COL3A1: variants seen among roughly 807,000 people sequenced by gnomAD.
COL3A1 encodes collagen alpha-1(III) chain.
In COL3A1, 46 loss-of-function variants were observed where a neutral mutation model predicts 200.9. The observed-to-expected ratio is 0.23, with a 90% CI of 0.18 to 0.29. COL3A1 has a LOEUF of 0.29. COL3A1 is among the 10% of genes least tolerant of loss of function. COL3A1 has a pLI of 1.00. For synonymous variants in COL3A1, 650 were observed against 628.0 expected (o/e 1.03, Z -0.52); for missense variants, 1,367 against 1,917.6 (o/e 0.71, Z 5.36).
intron 46 of COL3A1, 30 bp from the exon 47 acceptor site, chr2:189,008,005 T>C: frequency 1.9e-6 from 3 of 1,613,954 alleles, no homozygotes; most frequent in East Asian, 2.2e-5. Flanking sequence ...AAAGATATTC[T>C]GGCATTGTGA....
At chr2:188,979,041 C>T (rs1307665228) in intron 1 of COL3A1, among the ~76,000 whole-genome samples, 1 of 151,806 alleles carries the variant, frequency 6.6e-6, no homozygotes, top group Admixed American at 6.6e-5. Flanking sequence ...AAAATGTAGT[C>T]TTAATGAACA....
chr2:188,985,878 A>T, intron 4 of COL3A1, 100 bp downstream of exon 4: 1 of 802,752 alleles, frequency 1.2e-6, no homozygotes, highest in Non-Finnish European at 2.1e-6. Context: ...AGTTCTTTGT[A>T]TCTGTTCTCT....
intron 24 of COL3A1, 100 bp from the exon 25 acceptor site, chr2:188,997,059 CATATAT>C: frequency 1.4e-6 from 1 of 737,750 alleles, no homozygotes; most frequent in Non-Finnish European, 2.4e-6. Context: ...ATATATGAGA[CATATAT>C]ATATGAGACA....
chr2:188,978,270 T>G (rs1687868450), intron 1 of COL3A1: 1 of 177,244 alleles, frequency 5.6e-6, no homozygotes, highest in South Asian at 1.2e-4. Context: ...ATTAAATGCC[T>G]CTTAACTACT....
intron 1 of COL3A1, among the ~76,000 whole-genome samples, chr2:188,978,775 AAG>A (rs1687883588): frequency 4.6e-5 from 7 of 150,866 alleles, no homozygotes; most frequent in African/African-American, 9.7e-5. Context: ...AAAAAAAAAA[AAG>A]ATCATATAGT....
rs147250987 is a variant in COL3A1, at chr2:189,010,662, T to C, written c.4026T>C (p.Asn1342=). ...CCCTATTACAGTTTAGCTACGGCAA[T>C]CCTGAACTTCCTGAAGATGTCCTTG... is the stretch of plus-strand genomic sequence containing the variant. ...MDGGFQFSYG[N]PELPEDVLDV... Residue 1342 remains asparagine (N), a synonymous_variant, in exon 50 of 51, where the codon AAT becomes AAC. Transcript: ENST00000304636. The C allele has an allele frequency of 9.9e-6, 16 of 1,614,064 alleles. No homozygotes were observed. The African/African-American group carries it at 2.0e-4, about 20-fold the overall frequency.
In COL3A1 at chr2:188,992,878, T is replaced by A. The variant is rs1278617595; in HGVS notation, c.997-9T>A. The A allele has an allele frequency of 6.2e-7, 1 of 1,613,804 alleles. No individual in the cohort carries two copies. Among genetic ancestry groups the A allele is most frequent in the Non-Finnish European group, 8.5e-7 (1 of 1,179,720 alleles). ...AAAGAGCTCTTGAAATTGTATTTAA[T>A]TTTTTCAGGGCCCTCCTGGTCCTCC... is the stretch of plus-strand genomic sequence containing the variant. On this transcript the variant is annotated splice_polypyrimidine_tract_variant and intron_variant, in intron 14 of 50. Coordinates refer to ENST00000304636, the MANE Select transcript of COL3A1 (RefSeq NM_000090.4).
chr2:188,983,609 C>G (rs1390252192), intron 1 of COL3A1, among the ~76,000 whole-genome samples: 3 of 151,926 alleles, frequency 2.0e-5, no homozygotes, highest in Non-Finnish European at 2.9e-5. Flanking sequence ...TAAAAGGCCT[C>G]TTGACCACTA....
At chr2:188,980,775 A>G (rs1392892361) in intron 1 of COL3A1, among the ~76,000 whole-genome samples, 1 of 151,064 alleles carries the variant, frequency 6.6e-6, no homozygotes, top group Non-Finnish European at 1.5e-5. Flanking sequence ...ATTAAAATTT[A>G]TGTTTTCCAA....
rs1315143573 is a variant in COL3A1, at chr2:188,985,717, C to T, written c.386C>T (p.Pro129Leu). 1 of 1,611,374 alleles carries T rather than the reference C, an allele frequency of 6.2e-7. No individual in the cohort carries two copies. The highest frequency in any genetic ancestry group is 8.5e-7 in the Non-Finnish European group (1 of 1,178,868). Reference sequence around the variant, plus strand: ...GGTGACCCTGGTATTCCAGGACAACCAGGGTCCCCTGGTTCTCCTGGCCCC... The same window carrying T: ...GGTGACCCTGGTATTCCAGGACAACTAGGGTCCCCTGGTTCTCCTGGCCCC... ...RNGDPGIPGQ[P>L]GSPGSPGPPG... Residue 129 changes from proline (P) to leucine (L), a missense_variant, in exon 4 of 51, where the codon CCA becomes CTA. Around this residue, in one of 5 missense-constraint regions of COL3A1, gnomAD observed 462 missense variants for 681.4 expected, o/e 0.68. Coordinates refer to ENST00000304636, the MANE Select transcript of COL3A1 (RefSeq NM_000090.4).
chr2:188,979,598 A>G (rs983854847), intron 1 of COL3A1, among the ~76,000 whole-genome samples: 2 of 151,746 alleles, frequency 1.3e-5, no homozygotes, highest in Non-Finnish European at 3.0e-5. Context: ...TCAAGAGAAA[A>G]TAAACAGGAG....
chr2:188,998,798 C>T (rs762889445), intron 29 of COL3A1, 80 bp downstream of exon 29: 31 of 1,243,476 alleles, frequency 2.5e-5, no homozygotes, highest in Non-Finnish European at 3.6e-5. Context: ...GTATATCAAG[C>T]CAAAATACTC....
At chr2:188,995,283 T>C (rs41272841) in intron 21 of COL3A1, among the ~76,000 whole-genome samples, 184 bp downstream of exon 21, 4 of 152,206 alleles carry the variant, frequency 2.6e-5, no homozygotes, top group African/African-American at 9.6e-5. Context: ...AGCCACTTAC[T>C]TACCCTCTAT....
rs1461617023 is a variant in COL3A1 at position 188,991,028 on chromosome 2, A to C, written c.823A>C (p.Lys275Gln). The C allele has an allele frequency of 6.2e-7, 1 of 1,613,386 alleles. No individual in the cohort carries two copies. The highest frequency in any genetic ancestry group is 1.1e-5 in the South Asian group (1 of 91,002). Reference protein sequence around the residue: ...HRGFDGRNGEKGETGAPGLKG... With the variant: ...HRGFDGRNGEQGETGAPGLKG... ...GGGCTTCGATGGACGAAATGGAGAA[A>C]AGGGTGAAACAGGTGCTCCTGGATT... Residue 275 changes from lysine (K) to glutamine (Q), a missense_variant, in exon 11 of 51, where the codon AAG becomes CAG. Coordinates refer to ENST00000304636, the MANE Select transcript of COL3A1 (RefSeq NM_000090.4).
In COL3A1 at chr2:188,988,578, T is replaced by G; in HGVS notation, c.583-12T>G. The G allele has an allele frequency of 6.3e-7, 1 of 1,580,098 alleles. No individual in the cohort carries two copies. Among genetic ancestry groups the G allele is most frequent in the Non-Finnish European group, 8.7e-7 (1 of 1,150,776 alleles). On this transcript the variant is annotated splice_polypyrimidine_tract_variant and intron_variant, in intron 6 of 50. Coordinates refer to ENST00000304636, the MANE Select transcript of COL3A1 (RefSeq NM_000090.4). The stretch of plus-strand genomic sequence containing the variant: ...TGTTACTTTAAAATTATTTACATAT[T>G]CTACTCACTAGGGATCTCCAGGATA...
chr2:189,000,588 T>C (rs1209784007), intron 32 of COL3A1, among the ~76,000 whole-genome samples: 1 of 152,132 alleles, frequency 6.6e-6, no homozygotes, highest in Non-Finnish European at 1.5e-5. Context: ...GGGATAAAAT[T>C]CTATAGAGCT....
chr2:188,993,039 G>C, intron 15 of COL3A1, 99 bp downstream of exon 15: 2 of 1,099,482 alleles, frequency 1.8e-6, no homozygotes, highest in Non-Finnish European at 2.8e-6. Context: ...TCAGTCAAAT[G>C]GATAGCTTTT....
chr2:189,011,889 A>G lies in COL3A1; in HGVS notation c.*115A>G. On this transcript the variant is annotated 3_prime_UTR_variant, in exon 51 of 51. Coordinates refer to ENST00000304636, the MANE Select transcript of COL3A1 (RefSeq NM_000090.4). ...ACAAAATTCCAGTTATTTATTTCCA[A>G]AATGTTTGGAAACAGTATAATTTGA... 1 of 1,168,336 alleles carries G rather than the reference A, an allele frequency of 8.6e-7. No individual in the cohort carries two copies. Among genetic ancestry groups the G allele is most frequent in the Admixed American group, 1.9e-5 (1 of 51,746 alleles). 72.4% of individuals were successfully genotyped at this position (1,168,336 alleles called of 1,614,324 possible).
chr2:189,007,472 G>T, intron 44 of COL3A1, 28 bp from the exon 45 acceptor site: 7 of 1,550,472 alleles, frequency 4.5e-6, no homozygotes, highest in Non-Finnish European at 6.2e-6. Flanking sequence ...GTGTGTATAT[G>T]ACTTCAATTC....
Sources: allele counts gnomAD v4.1 joint callset (sites outside exome capture counted in the v4.1 genomes callset), GRCh38; gene constraint gnomAD v4.1.1; regional missense constraint gnomAD v4.1.1; transcripts MANE v1.5; gene names NCBI Gene and HGNC (gene_info 2026-07-23, HGNC 2026-07-21).